The following TCERG1L variants were observed in gnomAD, a reference collection of about 807,000 sequenced individuals.
TCERG1L encodes the protein transcription elongation regulator 1 like.
In TCERG1L, 37 loss-of-function variants were observed where a neutral mutation model predicts 56.3. The ratio of observed to expected loss-of-function variants is 0.66; its 90% CI spans 0.51 to 0.87. The LOEUF (loss-of-function observed/expected upper bound fraction) is 0.87. Ranked by LOEUF, TCERG1L falls within the 40% of genes least tolerant of loss-of-function variation. The pLI is 0.00. For synonymous variants in TCERG1L, 324 were observed against 326.3 expected (o/e 0.99, Z 0.08); for missense variants, 799 against 774.2 (o/e 1.03, Z -0.38).
intron 4 of TCERG1L, among the ~76,000 whole-genome samples, chr10:131,230,389 G>A (rs565128852): frequency 2.1e-4 from 32 of 152,330 alleles, no homozygotes; most frequent in South Asian, 4.1e-4. Context: ...ACCGCAGCAC[G>A]TGCAGGCCCC....
rs148418158 is a variant in TCERG1L at position 131,117,160 on chromosome 10, C to T, written c.1260-226G>A. ...TGGGAGGCTGGAATTGAAGCCCCAG[C>T]CCCGGGCCCGGCTGTGAGAAGCTGC... On this transcript the variant is annotated intron_variant, in intron 8 of 11. Coordinates refer to ENST00000368642, the MANE Select transcript of TCERG1L (RefSeq NM_174937.4). Among the ~76,000 whole-genome samples, 4 of 152,140 alleles carry T rather than the reference C, an allele frequency of 2.6e-5. No individual in the cohort carries two copies. The South Asian group carries it at 6.2e-4, about 24-fold the overall frequency.
chr10:131,201,598 TAAAA>T (rs1218216145), intron 4 of TCERG1L, among the ~76,000 whole-genome samples: 3 of 152,176 alleles, frequency 2.0e-5, no homozygotes, highest in Admixed American at 6.5e-5. Context: ...TGGCTGCAAA[TAAAA>T]AAATATATAA....
At position 131,256,597 on chromosome 10, in the gene TCERG1L, T is replaced by C. The variant is rs115584690; in HGVS notation, c.856+3662A>G. On this transcript the variant is annotated intron_variant, in intron 4 of 11. Coordinates refer to ENST00000368642, the MANE Select transcript of TCERG1L (RefSeq NM_174937.4). Reference sequence around the variant, plus strand: ...AATGCTGTCTTTCTTAAAAGAAGGATCACTTTGGCTGAGCACAGTGACTCA... The same window carrying C: ...AATGCTGTCTTTCTTAAAAGAAGGACCACTTTGGCTGAGCACAGTGACTCA... Among the ~76,000 whole-genome samples, 457 of 152,154 alleles carry C rather than the reference T, an allele frequency of 3.0e-3. 3 individuals carry two copies. The highest frequency in any genetic ancestry group is 0.01 in the African/African-American group (422 of 41,502).
chr10:131,130,433 G>A (rs971604183), intron 8 of TCERG1L, among the ~76,000 whole-genome samples: 2 of 152,170 alleles, frequency 1.3e-5, no homozygotes, highest in Non-Finnish European at 2.9e-5. Flanking sequence ...GACAGCTAGA[G>A]GAAAATCACG....
chr10:131,153,463 G>A (rs1003404157), intron 6 of TCERG1L, among the ~76,000 whole-genome samples: 4 of 152,154 alleles, frequency 2.6e-5, no homozygotes, highest in South Asian at 2.1e-4. Context: ...CAGAGTCCTC[G>A]TGGAATGCTC....
intron 6 of TCERG1L, among the ~76,000 whole-genome samples, chr10:131,151,401 A>T (rs34084518): frequency 0.3 from 44,916 of 151,968 alleles, 6,842 homozygotes; most frequent in East Asian, 0.33. Flanking sequence ...TATAGGCCCC[A>T]TGCAAGTCCA....
At chr10:131,277,796 C>A (rs1846408432) in intron 3 of TCERG1L, among the ~76,000 whole-genome samples, 1 of 152,132 alleles carries the variant, frequency 6.6e-6, no homozygotes, top group African/African-American at 2.4e-5. Flanking sequence ...TCAAAAGGTG[C>A]CCGGAGGAGG....
rs533288816 is a variant in TCERG1L, at chr10:131,149,837, C to T, written c.1035-3177G>A. On this transcript the variant is annotated intron_variant, in intron 6 of 11. Coordinates refer to ENST00000368642, the MANE Select transcript of TCERG1L (RefSeq NM_174937.4). ...GTGCAGGGAGTGAAGAAACCCTGAGCCCGCCTCCTCATGCTGTATGTCTCA... is the reference window on the plus strand; with the variant it reads ...GTGCAGGGAGTGAAGAAACCCTGAGTCCGCCTCCTCATGCTGTATGTCTCA... 2.6e-5 allele frequency among the ~76,000 whole-genome samples: 4 copies of T among 152,322 alleles called. No individual in the cohort carries two copies. The South Asian group carries it at 6.2e-4, about 24-fold the overall frequency.
intron 3 of TCERG1L, among the ~76,000 whole-genome samples, chr10:131,282,917 C>G (rs951431562): frequency 2.0e-5 from 3 of 152,156 alleles, no homozygotes; most frequent in Non-Finnish European, 4.4e-5. Context: ...AAGTTCATTT[C>G]TTATGGGTCT....
chr10:131,131,783 C>T (rs995756473), intron 8 of TCERG1L, among the ~76,000 whole-genome samples: 2 of 152,206 alleles, frequency 1.3e-5, no homozygotes, highest in East Asian at 3.8e-4. Flanking sequence ...CATAATCAGG[C>T]TGCTGATGAG....
At chr10:131,150,892 G>A (rs1207539113) in intron 6 of TCERG1L, among the ~76,000 whole-genome samples, 1 of 152,172 alleles carries the variant, frequency 6.6e-6, no homozygotes, top group Non-Finnish European at 1.5e-5. Context: ...TTACAATCAT[G>A]GCAGAAGGCA....
rs577443312 is a variant in TCERG1L, at chr10:131,115,253, G to A, written c.1395+1546C>T. ...CCGTGAAGGCACACGGTGATCACCC[G>A]GCAGCACCTCCCCTGGAGCCCCTCG... On this transcript the variant is annotated intron_variant, in intron 9 of 11. Coordinates refer to ENST00000368642, the MANE Select transcript of TCERG1L (RefSeq NM_174937.4). 1.4e-4 allele frequency among the ~76,000 whole-genome samples: 22 copies of A among 152,320 alleles called. 1 individual carries two copies. Among genetic ancestry groups the A allele is most frequent in the African/African-American group, 3.8e-4 (16 of 41,572 alleles).
intron 9 of TCERG1L, among the ~76,000 whole-genome samples, chr10:131,109,257 C>G (rs1039000534): frequency 3.3e-5 from 5 of 152,212 alleles, no homozygotes; most frequent in Non-Finnish European, 7.3e-5. Flanking sequence ...ACTTCAGACC[C>G]TTTCCTGCAG....
rs975151407 is a variant in TCERG1L, at chr10:131,118,302, C to T, written c.1260-1368G>A. Among the ~76,000 whole-genome samples the T allele has an allele frequency of 3.3e-5, 5 of 152,230 alleles. No individual in the cohort carries two copies. The highest frequency in any genetic ancestry group is 7.2e-5 in the African/African-American group (3 of 41,456). On this transcript the variant is annotated intron_variant, in intron 8 of 11. Coordinates refer to ENST00000368642, the MANE Select transcript of TCERG1L (RefSeq NM_174937.4). The surrounding 1 kb of genome is among the most constrained non-coding windows in gnomAD (Gnocchi z 4.2). Reference sequence around the variant, plus strand: ...TACATCTAAAGGCATGGGCCTTACCCGCTCCTTTCAAAACCAGCTCACCCT... The same window carrying T: ...TACATCTAAAGGCATGGGCCTTACCTGCTCCTTTCAAAACCAGCTCACCCT...
chr10:131,303,134 T>C (rs1846784007), intron 3 of TCERG1L, among the ~76,000 whole-genome samples: 1 of 152,058 alleles, frequency 6.6e-6, no homozygotes, highest in Non-Finnish European at 1.5e-5. Context: ...ATCCTCTGGG[T>C]ATATACCCAG....
intron 4 of TCERG1L, among the ~76,000 whole-genome samples, chr10:131,259,548 T>C (rs11017846): frequency 0.3 from 45,452 of 152,108 alleles, 7,938 homozygotes; most frequent in East Asian, 0.51. Context: ...TGGACACGCA[T>C]GCCTGTGAAC....
intron 4 of TCERG1L, among the ~76,000 whole-genome samples, chr10:131,221,912 C>T (rs559048842): frequency 2.0e-5 from 3 of 152,338 alleles, no homozygotes; most frequent in East Asian, 1.9e-4. Flanking sequence ...CTACAGCCTC[C>T]GAACCTCTAG....
rs544570275 is a variant in TCERG1L, at chr10:131,195,226, G to A, written c.857-28341C>T. On this transcript the variant is annotated intron_variant, in intron 4 of 11. Transcript: ENST00000368642. ...CAGGCACATCCAGGAAGCTGAAACC[G>A]TGTATGTGAAGCCTGATCACAGCTT... Among the ~76,000 whole-genome samples the A allele has an allele frequency of 1.4e-4, 22 of 152,340 alleles. No individual in the cohort carries two copies. In the East Asian group the frequency reaches 2.9e-3, roughly 20 times the overall value.
At chr10:131,128,515 G>A (rs572469281) in intron 8 of TCERG1L, among the ~76,000 whole-genome samples, 3 of 152,062 alleles carry the variant, frequency 2.0e-5, no homozygotes, top group South Asian at 2.1e-4. Context: ...AACTAAAATC[G>A]ACTAAAACAT....
Sources: allele counts gnomAD v4.1 joint callset (sites outside exome capture counted in the v4.1 genomes callset), GRCh38; gene constraint gnomAD v4.1.1; non-coding constraint Gnocchi (gnomAD v3.1); transcripts MANE v1.5; gene names NCBI Gene and HGNC (gene_info 2026-07-23, HGNC 2026-07-21).